Variants in PRELID2 observed in about 807,000 individuals in gnomAD.
PRELID2 encodes the protein PRELI domain-containing protein 2.
A neutral mutation model predicts 28.4 loss-of-function variants in PRELID2; 25 were observed. The ratio of observed to expected loss-of-function variants is 0.88; its 90% confidence interval spans 0.64 to 1.23. The LOEUF is 1.23. PRELID2 is among the 50% of genes most tolerant of loss of function. The pLI, the probability that PRELID2 is intolerant of heterozygous loss-of-function variation, is 0.00. For synonymous variants in PRELID2, 76 were observed against 71.6 expected (o/e 1.06, Z -0.31); for missense variants, 201 against 214.4 (o/e 0.94, Z 0.39).
chr5:145,575,792 C>T (rs937197697), intron 1 of PRELID2, among the ~76,000 whole-genome samples: 1 of 152,238 alleles, frequency 6.6e-6, no homozygotes, highest in East Asian at 1.9e-4. Flanking sequence ...GCATATATTG[C>T]GTCTGGAACA....
At chr5:145,756,192 C>G (rs780320928), downstream of PRELID2, among the ~76,000 whole-genome samples, 5 of 152,136 alleles carry the variant, frequency 3.3e-5, no homozygotes, top group Non-Finnish European at 5.9e-5. Context: ...AATGTCTCAC[C>G]TTGAGGGAAG....
At chr5:145,465,838 G>C in the PRELID2 span, among the ~76,000 whole-genome samples, 1 of 152,078 alleles carries the variant, frequency 6.6e-6, no homozygotes, top group African/African-American at 2.4e-5. Context: ...CTAGATCCCA[G>C]AGCCAGAGAT....
At chr5:145,500,301 C>T (rs1752348430) in intron 1 of PRELID2, among the ~76,000 whole-genome samples, 1 of 152,050 alleles carries the variant, frequency 6.6e-6, no homozygotes, top group Non-Finnish European at 1.5e-5. Flanking sequence ...TCCCCCTTCA[C>T]TTTCATCCTT....
chr5:145,722,114 A>G (rs1170855848), intron 1 of PRELID2, among the ~76,000 whole-genome samples: 1 of 152,146 alleles, frequency 6.6e-6, no homozygotes, highest in Non-Finnish European at 1.5e-5. Flanking sequence ...CAAACATTAA[A>G]CCCTGATAAT....
intron 1 of PRELID2, among the ~76,000 whole-genome samples, chr5:145,697,127 T>C (rs1020656896): frequency 1.4e-5 from 2 of 142,930 alleles, no homozygotes; most frequent in African/African-American, 2.7e-5. Flanking sequence ...CATATATATA[T>C]ACACACACAT....
chr5:145,366,637 C>G, the PRELID2 span, among the ~76,000 whole-genome samples: 2 of 151,816 alleles, frequency 1.3e-5, no homozygotes, highest in Non-Finnish European at 2.9e-5. Context: ...TTCCACATAG[C>G]TTTTACTGTT....
chr5:145,415,682 G>T, the PRELID2 span, among the ~76,000 whole-genome samples: 1 of 151,174 alleles, frequency 6.6e-6, no homozygotes, highest in Non-Finnish European at 1.5e-5. Flanking sequence ...GTCTATCATT[G>T]TTGGACATTT....
chr5:145,687,100 A>T (rs1490950585), intron 1 of PRELID2, among the ~76,000 whole-genome samples: 1 of 152,180 alleles, frequency 6.6e-6, no homozygotes, highest in Non-Finnish European at 1.5e-5. Context: ...GACCAAGAAG[A>T]TCACCAGGTT....
the PRELID2 span, among the ~76,000 whole-genome samples, chr5:145,266,258 T>A: frequency 1.3e-5 from 2 of 151,784 alleles, no homozygotes; most frequent in African/African-American, 4.8e-5. Flanking sequence ...AGGAGGGGGA[T>A]AATCCTTAAA....
chr5:145,264,550 A>G, the PRELID2 span, among the ~76,000 whole-genome samples: 1 of 152,142 alleles, frequency 6.6e-6, no homozygotes, highest in Non-Finnish European at 1.5e-5. Flanking sequence ...TGAACAGGGA[A>G]AAGTTGAAAG....
intron 1 of PRELID2, among the ~76,000 whole-genome samples, chr5:145,561,285 T>C (rs1224285614): frequency 6.6e-6 from 1 of 152,228 alleles, no homozygotes; most frequent in Non-Finnish European, 1.5e-5. Flanking sequence ...AGTTGGGCCC[T>C]TGACCAAGAG....
the PRELID2 span, among the ~76,000 whole-genome samples, chr5:145,381,336 T>C: frequency 6.6e-6 from 1 of 152,174 alleles, no homozygotes; most frequent in South Asian, 2.1e-4. Flanking sequence ...AGGGAAATCC[T>C]GAAAAAGAGA....
intron 1 of PRELID2, among the ~76,000 whole-genome samples, chr5:145,831,956 C>T (rs190352090): frequency 4.6e-5 from 7 of 152,340 alleles, no homozygotes; most frequent in Non-Finnish European, 7.3e-5. Context: ...GTTTAGTCAA[C>T]TCACAGAATT....
At chr5:145,229,334 G>A in the PRELID2 span, 2 of 742,134 alleles carry the variant, frequency 2.7e-6, no homozygotes, top group Non-Finnish European at 5.0e-6. Flanking sequence ...TCCCATCCTG[G>A]TCACTCCCAA....
At chr5:145,381,941 C>T in the PRELID2 span, among the ~76,000 whole-genome samples, 1 of 148,218 alleles carries the variant, frequency 6.7e-6, no homozygotes, top group Non-Finnish European at 1.5e-5. Context: ...TTGAAATAGA[C>T]CCTGGGATTA....
chr5:145,290,192 C>A, the PRELID2 span, among the ~76,000 whole-genome samples: 332 of 152,180 alleles, frequency 2.2e-3, 2 homozygotes, highest in African/African-American at 7.7e-3. Flanking sequence ...GACAGTGTGG[C>A]GATTCCTCAA....
chr5:145,484,029 G>A lies in PRELID2; in HGVS notation n.71-10714C>T, dbSNP rs549902477. On this transcript the variant is annotated intron_variant and non_coding_transcript_variant, in intron 1 of 2. Transcript: ENST00000510259. Reference sequence around the variant, plus strand: ...ATCATCAATGAAGCCTGCCCTTGAAGAGCTGAGAGTCTAAAAGAGAAAATC... The same window carrying A: ...ATCATCAATGAAGCCTGCCCTTGAAAAGCTGAGAGTCTAAAAGAGAAAATC... Among the ~76,000 whole-genome samples, 53 of 152,316 alleles carry A rather than the reference G, an allele frequency of 3.5e-4. 1 individual carries two copies. In the South Asian group the frequency reaches 0.011, roughly 31 times the overall value.
the PRELID2 span, among the ~76,000 whole-genome samples, chr5:145,347,186 A>G: frequency 6.6e-6 from 1 of 152,174 alleles, no homozygotes; most frequent in Non-Finnish European, 1.5e-5. Context: ...ATTTCTGTTC[A>G]GCTAATATTG....
At chr5:145,585,697 C>T (rs543805965) in intron 1 of PRELID2, among the ~76,000 whole-genome samples, 1 of 152,182 alleles carries the variant, frequency 6.6e-6, no homozygotes, top group South Asian at 2.1e-4. Context: ...AACAGGTTAA[C>T]CAAGTCTGCA....
Sources: allele counts gnomAD v4.1 joint callset (sites outside exome capture counted in the v4.1 genomes callset), GRCh38; gene constraint gnomAD v4.1.1; transcripts MANE v1.5; gene names NCBI Gene and HGNC (gene_info 2026-07-23, HGNC 2026-07-21).